OR56A3: variants seen among roughly 807,000 people sequenced by gnomAD.
OR56A3 encodes the protein olfactory receptor 56A3.
A neutral mutation model predicts 17.5 loss-of-function variants in OR56A3; 23 were observed. The ratio of observed to expected loss-of-function variants is 1.32; its 90% CI spans 0.95 to 1.87. The LOEUF (loss-of-function observed/expected upper bound fraction) is 1.87, where lower values mean the gene tolerates loss of function less well. Ranked by LOEUF, OR56A3 falls within the 40% of genes most tolerant of loss-of-function variation. The pLI is 0.00. For missense variants in OR56A3, 366 were observed against 380.1 expected, an observed-to-expected ratio of 0.96 and a Z score of 0.31; for synonymous variants, 175 against 150.6, an observed-to-expected ratio of 1.16 and a Z score of -1.19.
the OR56A3 span, among the ~76,000 whole-genome samples, chr11:5,972,158 C>T: frequency 6.6e-6 from 1 of 152,174 alleles, no homozygotes; most frequent in Admixed American, 6.5e-5. Context: ...GTCCCAGAAC[C>T]ATTCTTTTCC....
chr11:5,957,403 T>C, the OR56A3 span, among the ~76,000 whole-genome samples: 4 of 152,246 alleles, frequency 2.6e-5, no homozygotes, highest in Non-Finnish European at 5.9e-5. Flanking sequence ...CTAAAAATCT[T>C]TTATGTTTTG....
chr11:6,015,333 A>G, the OR56A3 span, among the ~76,000 whole-genome samples: 2 of 152,004 alleles, frequency 1.3e-5, no homozygotes, highest in South Asian at 4.2e-4. Context: ...TGCTGTCTGC[A>G]TCCCAGCTGC....
chr11:5,996,813 G>A, the OR56A3 span, among the ~76,000 whole-genome samples: 1 of 152,116 alleles, frequency 6.6e-6, no homozygotes, highest in African/African-American at 2.4e-5. Context: ...TTTTGCTGGG[G>A]CAATGAACAA....
chr11:6,017,294 T>C, the OR56A3 span, among the ~76,000 whole-genome samples: 1 of 152,202 alleles, frequency 6.6e-6, no homozygotes, highest in Non-Finnish European at 1.5e-5. Flanking sequence ...AAGATTTAGA[T>C]ATCTAGATAT....
chr11:6,005,930 T>C, the OR56A3 span, among the ~76,000 whole-genome samples: 94 of 152,290 alleles, frequency 6.2e-4, no homozygotes, highest in African/African-American at 2.1e-3. Context: ...ACTGAGACCA[T>C]AGCAGATAGG....
the OR56A3 span, among the ~76,000 whole-genome samples, chr11:5,964,843 T>C: frequency 1.3e-5 from 2 of 152,192 alleles, no homozygotes; most frequent in Non-Finnish European, 2.9e-5. Context: ...AATGCTTACT[T>C]ATGTGTCTTT....
chr11:5,973,996 GC>G, the OR56A3 span, among the ~76,000 whole-genome samples: 1 of 152,308 alleles, frequency 6.6e-6, no homozygotes, highest in East Asian at 1.9e-4. Flanking sequence ...CCTCTCCATT[GC>G]CCTTCAGGGC....
the OR56A3 span, chr11:5,967,781 G>C: frequency 6.3e-7 from 1 of 1,588,716 alleles, no homozygotes; most frequent in Non-Finnish European, 8.6e-7. Context: ...CTAGAGCTTT[G>C]GCCATATCTC....
the OR56A3 span, among the ~76,000 whole-genome samples, chr11:5,981,267 C>T: frequency 6.6e-6 from 1 of 152,192 alleles, no homozygotes; most frequent in South Asian, 2.1e-4. Context: ...TTCCAAGTTG[C>T]TTGCTCCCTC....
chr11:5,948,088 C>G lies in OR56A3; in HGVS notation c.742C>G (p.His248Asp), dbSNP rs551792619. Residue 248 changes from histidine (H) to aspartate (D), a missense_variant, in exon 3 of 3, where the codon CAC (histidine) becomes GAC (aspartate). Transcript: ENST00000641160. ...VAKALSTCGS[H>D]FMLILFFSTI... The stretch of plus-strand genomic sequence containing the variant: ...AAAGGCCCTAAGCACATGTGGCTCC[C>G]ACTTCATGCTCATCCTCTTCTTCAG... 1.9e-6 allele frequency: 3 copies of G among 1,614,224 alleles called. No homozygotes were observed. In the African/African-American group the frequency reaches 4.0e-5, roughly 22 times the overall value.
At chr11:6,018,303 G>T in the OR56A3 span, among the ~76,000 whole-genome samples, 1 of 151,974 alleles carries the variant, frequency 6.6e-6, no homozygotes, top group Non-Finnish European at 1.5e-5. Flanking sequence ...TCAGCACAAA[G>T]AACATTGTCC....
At chr11:5,994,780 A>G in the OR56A3 span, 1 of 757,674 alleles carries the variant, frequency 1.3e-6, no homozygotes, top group Non-Finnish European at 2.4e-6. Flanking sequence ...TCTTGAAGTA[A>G]TGTCCCCAGT....
the OR56A3 span, chr11:5,967,649 C>G: frequency 2.5e-6 from 4 of 1,613,902 alleles, no homozygotes; most frequent in Non-Finnish European, 3.4e-6. Flanking sequence ...TAAGGTGGTG[C>G]AGGATGTTGA....
chr11:5,944,639 A>G (rs1213868737), intron 1 of OR56A3, among the ~76,000 whole-genome samples, 167 bp from the exon 2 acceptor site: 1 of 152,238 alleles, frequency 6.6e-6, no homozygotes, highest in Non-Finnish European at 1.5e-5. Context: ...AACTGTAGGA[A>G]GACATGTAAA....
At chr11:5,963,155 T>C in the OR56A3 span, among the ~76,000 whole-genome samples, 2 of 152,192 alleles carry the variant, frequency 1.3e-5, no homozygotes, top group East Asian at 3.8e-4. Context: ...ATCTTTTATA[T>C]ATTTTTCTAG....
chr11:5,972,162 C>A, the OR56A3 span, among the ~76,000 whole-genome samples: 21 of 152,298 alleles, frequency 1.4e-4, no homozygotes, highest in Non-Finnish European at 2.9e-4. Flanking sequence ...CAGAACCATT[C>A]TTTTCCTCTT....
At position 5,947,858 on chromosome 11, in the gene OR56A3, G is replaced by A. The variant is rs760268797; in HGVS notation, c.512G>A (p.Arg171His). The A allele has an allele frequency of 5.9e-5, 95 of 1,614,008 alleles. No homozygotes were observed. The Admixed American group carries it at 7.5e-4, about 13-fold the overall frequency. The change falls in exon 3 of 3, where the codon CGT (arginine) becomes CAT (histidine). Residue 171 changes from arginine (R) to histidine (H), a missense_variant. Physicochemically the swap from Arg to His is conservative, Grantham distance 29. Coordinates refer to ENST00000641160, the MANE Select transcript of OR56A3 (RefSeq NM_001003443.3). ...ATCCCCATCCTTTCAGCACAACTCC[G>A]TTATTGTGGAAGAAATGTCATTGAG... ...LPIPILSAQL[R>H]YCGRNVIENC...
At chr11:6,002,745 T>A in the OR56A3 span, 3 of 1,614,130 alleles carry the variant, frequency 1.9e-6, no homozygotes, top group Non-Finnish European at 2.5e-6. Flanking sequence ...GGCCAGGACC[T>A]TGGGGATGAC....
chr11:6,020,057 T>A, the OR56A3 span: 1 of 152,094 alleles, frequency 6.6e-6, no homozygotes, highest in Non-Finnish European at 1.5e-5. Context: ...GTATCAAGGT[T>A]TATTTTTTCC....
Sources: gnomAD v4.1 joint callset for allele counts (sites outside exome capture counted in the v4.1 genomes callset) on GRCh38, gnomAD v4.1.1 for gene constraint, MANE v1.5 for transcripts, NCBI Gene and HGNC (gene_info 2026-07-23, HGNC 2026-07-21) for gene names.